AP3S1: variants seen among roughly 807,000 people sequenced by gnomAD.
The protein encoded by AP3S1 is AP-3 complex subunit sigma-1.
Under a neutral mutation model 21.3 loss-of-function variants are expected in AP3S1, and 12 were observed. The observed-to-expected ratio is 0.56, with a 90% CI of 0.36 to 0.91. The LOEUF is 0.91. Ranked by LOEUF, AP3S1 falls within the 40% of genes least tolerant of loss-of-function variation. AP3S1 has a pLI of 0.01. For synonymous variants in AP3S1, 48 were observed against 78.4 expected (o/e 0.61, Z 2.05); for missense variants, 116 against 225.0 (o/e 0.52, Z 3.10).
chr5:115,905,860 T>C (rs1751603661), intron 5 of AP3S1, among the ~76,000 whole-genome samples: 1 of 152,164 alleles, frequency 6.6e-6, no homozygotes, highest in African/African-American at 2.4e-5. Context: ...AGGACAAACT[T>C]AATGACTTGT....
chr5:115,843,404 T>C (rs1761798367), intron 1 of AP3S1, among the ~76,000 whole-genome samples: 1 of 152,236 alleles, frequency 6.6e-6, no homozygotes, highest in Non-Finnish European at 1.5e-5. Context: ...GTTGTTTTGC[T>C]TTTGCTAGCT....
At chr5:115,883,013 G>T (rs185393333) in intron 3 of AP3S1, among the ~76,000 whole-genome samples, 9 of 152,316 alleles carry the variant, frequency 5.9e-5, no homozygotes, top group Non-Finnish European at 1.2e-4. Flanking sequence ...GGGGTAAACC[G>T]CCTACTCAAG....
At chr5:115,850,386 T>G (rs1762356599) in intron 1 of AP3S1, among the ~76,000 whole-genome samples, 1 of 152,240 alleles carries the variant, frequency 6.6e-6, no homozygotes, top group Non-Finnish European at 1.5e-5. Context: ...ATTTATCATT[T>G]TAACAGTTGC....
At chr5:115,910,492 T>G (rs2112596126) in intron 5 of AP3S1, among the ~76,000 whole-genome samples, 1 of 152,184 alleles carries the variant, frequency 6.6e-6, no homozygotes, top group East Asian at 1.9e-4. Flanking sequence ...TTTTGTTGCT[T>G]TGAATGTATC....
chr5:115,879,135 A>G (rs1017484235), intron 3 of AP3S1, among the ~76,000 whole-genome samples: 1 of 152,206 alleles, frequency 6.6e-6, no homozygotes, highest in Non-Finnish European at 1.5e-5. Context: ...CAATCATGTC[A>G]TCTGCAAACA....
chr5:115,866,890 T>C (rs1312022808), intron 2 of AP3S1, 129 bp downstream of exon 2: 12 of 443,078 alleles, frequency 2.7e-5, no homozygotes, highest in Non-Finnish European at 3.9e-6. Flanking sequence ...TTGCCACCTA[T>C]GTTAGCTATA....
At chr5:115,903,066 CTGTT>C in intron 5 of AP3S1, 74 bp downstream of exon 5, 1 of 1,122,284 alleles carries the variant, frequency 8.9e-7, no homozygotes, top group Non-Finnish European at 1.3e-6. Flanking sequence ...GTAGTTTTCA[CTGTT>C]TGTCCTTCAG....
chr5:115,873,490 G>A (rs914043638), intron 3 of AP3S1, among the ~76,000 whole-genome samples: 1 of 152,136 alleles, frequency 6.6e-6, no homozygotes, highest in Non-Finnish European at 1.5e-5. Flanking sequence ...CAAAAAAGAA[G>A]ATTTCTGTAA....
At chr5:115,905,123 A>T (rs897194608) in intron 5 of AP3S1, among the ~76,000 whole-genome samples, 3 of 152,144 alleles carry the variant, frequency 2.0e-5, no homozygotes, top group African/African-American at 7.3e-5. Context: ...TTCACAAAAA[A>T]AAGTTTGCAA....
At chr5:115,910,265 T>TA (rs397884038) in intron 5 of AP3S1, among the ~76,000 whole-genome samples, 3,304 of 125,094 alleles carry the variant, frequency 0.026, 54 homozygotes, top group African/African-American at 0.044. Context: ...CCCTGTCTCT[T>TA]AAAAAAAAAA....
In AP3S1 at chr5:115,911,423, G is replaced by C. The variant is rs527962360; in HGVS notation, c.454-1939G>C. Among the ~76,000 whole-genome samples the C allele has an allele frequency of 5.3e-5, 8 of 151,662 alleles. No individual in the cohort carries two copies. The South Asian group carries it at 1.7e-3, about 32-fold the overall frequency. ...TAAAATATTTATACTCAAATATTTT[G>C]TCAATACTTTTCTATAGTCAGTTCA... On this transcript the variant is annotated intron_variant, in intron 5 of 5. Transcript: ENST00000316788.
chr5:115,862,235 C>T (rs1763253007), intron 1 of AP3S1, among the ~76,000 whole-genome samples: 1 of 151,960 alleles, frequency 6.6e-6, no homozygotes, highest in Non-Finnish European at 1.5e-5. Flanking sequence ...TACTTACACA[C>T]AGCTTTTTTT....
At chr5:115,891,754 C>T (rs1750325688) in intron 3 of AP3S1, among the ~76,000 whole-genome samples, 1 of 152,128 alleles carries the variant, frequency 6.6e-6, no homozygotes, top group African/African-American at 2.4e-5. Context: ...TGACAGCTTG[C>T]ACTGTATTCC....
At chr5:115,897,621 G>T (rs917496189) in intron 4 of AP3S1, among the ~76,000 whole-genome samples, 4 of 149,858 alleles carry the variant, frequency 2.7e-5, no homozygotes, top group African/African-American at 4.9e-5. Context: ...GAGTGTAGTG[G>T]CGATCTCGGC....
At chr5:115,910,571 T>A (rs1408206263) in intron 5 of AP3S1, among the ~76,000 whole-genome samples, 1 of 152,182 alleles carries the variant, frequency 6.6e-6, no homozygotes, top group Non-Finnish European at 1.5e-5. Flanking sequence ...GCAAACTGAT[T>A]GCCTAATGGA....
intron 5 of AP3S1, among the ~76,000 whole-genome samples, chr5:115,911,481 A>C (rs1260986301): frequency 6.6e-6 from 1 of 152,060 alleles, no homozygotes; most frequent in African/African-American, 2.4e-5. Flanking sequence ...TTCCTAAGTA[A>C]AAATAGTGGC....
chr5:115,898,294 C>G (rs570223792), intron 4 of AP3S1, among the ~76,000 whole-genome samples: 3 of 152,274 alleles, frequency 2.0e-5, no homozygotes, highest in Non-Finnish European at 4.4e-5. Context: ...TCTATGTGGC[C>G]AGCTGCCCAA....
chr5:115,848,029 A>G (rs1762182354), intron 1 of AP3S1, among the ~76,000 whole-genome samples: 1 of 152,258 alleles, frequency 6.6e-6, no homozygotes, highest in African/African-American at 2.4e-5. Flanking sequence ...AAAGGAGGAA[A>G]TAAAGTCTTC....
At chr5:115,862,334 A>G (rs76302350) in intron 1 of AP3S1, among the ~76,000 whole-genome samples, 1 of 152,158 alleles carries the variant, frequency 6.6e-6, no homozygotes, top group Non-Finnish European at 1.5e-5. Context: ...AAAAAAAATT[A>G]AAAACTTTGG....
Sources: allele counts gnomAD v4.1 joint callset (sites outside exome capture counted in the v4.1 genomes callset), GRCh38; gene constraint gnomAD v4.1.1; transcripts MANE v1.5; gene names NCBI Gene and HGNC (gene_info 2026-07-23, HGNC 2026-07-21).